KDM1B: variants seen among roughly 807,000 people sequenced by gnomAD.
KDM1B encodes lysine-specific histone demethylase 2.
KDM1B carries 63 observed loss-of-function variants against 107.4 expected under a neutral mutation model. The observed-to-expected ratio is 0.59, with a 90% CI of 0.48 to 0.72. The LOEUF is 0.72. Ranked by LOEUF, KDM1B falls within the 30% of genes least tolerant of loss-of-function variation. The pLI is 0.00. For synonymous variants in KDM1B, 363 were observed against 363.9 expected (o/e 1.00, Z 0.03); for missense variants, 749 against 1,020.8 (o/e 0.73, Z 3.63).
At chr6:18,163,922 A>G (rs1785123499) in intron 5 of KDM1B, among the ~76,000 whole-genome samples, 1 of 151,964 alleles carries the variant, frequency 6.6e-6, no homozygotes, top group African/African-American at 2.4e-5. Flanking sequence ...ATCAGTGTCA[A>G]CTAGACCAAG....
chr6:18,222,477 CTTAAAA>C lies in KDM1B; in HGVS notation c.*488_*493del. ...ATATAGGTCCAATATTGAGCTTTTACTTAAAATTTAGATAGAACTTTTTTTTGGATA... is the reference window on the plus strand; with the variant it reads ...ATATAGGTCCAATATTGAGCTTTTACTTTAGATAGAACTTTTTTTTGGATA... On this transcript the variant is annotated 3_prime_UTR_variant, in exon 22 of 22. Coordinates refer to ENST00000650836, the MANE Select transcript of KDM1B (RefSeq NM_001364614.2). 5.0e-6 allele frequency: 1 copy of C among 201,044 alleles called. No individual in the cohort carries two copies. The highest frequency in any genetic ancestry group is 1.0e-5 in the Non-Finnish European group (1 of 96,796). The allele number at this position is 201,044 out of a possible 1,614,324, so 12.5% of individuals were successfully genotyped here. A position where few individuals can be genotyped will look rare whatever the true frequency, so the allele number is the denominator to read the frequency against.
Position 18,222,221 on chromosome 6 carries a change from CTGA to C in KDM1B, c.*230_*232del. The C allele has an allele frequency of 1.6e-6, 1 of 636,816 alleles. No homozygotes were observed. The highest frequency in any genetic ancestry group is 2.1e-5 in the Admixed American group (1 of 47,654). 39.4% of individuals were successfully genotyped at this position (636,816 alleles called of 1,614,324 possible). ...GCATTTTCCATAGGTTCAACTACTG[CTGA>C]AAGTCTGGATTTCAGAATAAAGCAG... On this transcript the variant is annotated 3_prime_UTR_variant, in exon 22 of 22. Coordinates refer to ENST00000650836, the MANE Select transcript of KDM1B (RefSeq NM_001364614.2).
At position 18,191,692 on chromosome 6, in the gene KDM1B, A is replaced by C. The variant is rs1038214781; in HGVS notation, c.969+311A>C. ...AAAACCACCACTTTAGACCACACAT[A>C]GTCAGAATGCTGACTCTCCAGTGGT... On this transcript the variant is annotated intron_variant, in intron 10 of 21. Transcript: ENST00000650836. This position sits in a 1 kb window ranked among gnomAD's most constrained non-coding sequence, Gnocchi z 5.1. Among the ~76,000 whole-genome samples the C allele has an allele frequency of 1.3e-5, 2 of 152,200 alleles. No homozygotes were observed. The highest frequency in any genetic ancestry group is 2.9e-5 in the Non-Finnish European group (2 of 68,028).
At chr6:18,220,535 G>C (rs1789613068) in intron 21 of KDM1B, among the ~76,000 whole-genome samples, 1 of 152,136 alleles carries the variant, frequency 6.6e-6, no homozygotes, top group Admixed American at 6.5e-5. Context: ...GACAGAGTGA[G>C]ACTCTTTTTC....
chr6:18,215,556 C>G (rs1789156503), intron 20 of KDM1B, among the ~76,000 whole-genome samples: 1 of 152,134 alleles, frequency 6.6e-6, no homozygotes, highest in African/African-American at 2.4e-5. Context: ...CCGGCGACCT[C>G]ACTTTAAAGT....
intron 7 of KDM1B, among the ~76,000 whole-genome samples, chr6:18,183,043 T>C (rs1348766907): frequency 3.3e-5 from 5 of 152,186 alleles, no homozygotes; most frequent in African/African-American, 1.2e-4. Context: ...GTAGATGCTA[T>C]TGTTTTAATG....
At chr6:18,179,722 T>G (rs1353379753) in intron 7 of KDM1B, among the ~76,000 whole-genome samples, 1 of 152,056 alleles carries the variant, frequency 6.6e-6, no homozygotes, top group African/African-American at 2.4e-5. Context: ...TCGGTATCCT[T>G]TCTTTTATTC....
rs1788163217 is a variant in KDM1B, at chr6:18,203,291, T to C, written c.1531+1634T>C. 1.3e-5 allele frequency among the ~76,000 whole-genome samples: 2 copies of C among 152,080 alleles called. No homozygotes were observed. On this transcript the variant is annotated intron_variant, in intron 14 of 21. Coordinates refer to ENST00000650836, the MANE Select transcript of KDM1B (RefSeq NM_001364614.2). The surrounding 1 kb of genome is among the most constrained non-coding windows in gnomAD (Gnocchi z 5.5). ...GACACTGTCTCACAAACAAAACAAA[T>C]AAAAAACCCAAGTTGTTAAGGTAGG...
Position 18,218,055 on chromosome 6 carries a change from T to C in KDM1B, c.2385+170T>C, listed in dbSNP as rs146306955. Among the ~76,000 whole-genome samples, 36 of 152,338 alleles carry C rather than the reference T, an allele frequency of 2.4e-4. 1 individual carries two copies. The East Asian group carries it at 5.0e-3, about 21-fold the overall frequency. The stretch of plus-strand genomic sequence containing the variant: ...TCTTGCTCCCAGAGGCAGCCGTTTT[T>C]AACCTTCCAGCTATTCCTTCTGGAC... On this transcript the variant is annotated intron_variant, in intron 21 of 21. Transcript: ENST00000650836.
rs1031760860 is a variant in KDM1B, at chr6:18,209,671, T to C, written c.1866+1465T>C. ...CCCAGGCTGGAGTGCAGTGGCACAGTCATAGCTCACTGTAGCCTCGAGCAA... is the reference window on the plus strand; with the variant it reads ...CCCAGGCTGGAGTGCAGTGGCACAGCCATAGCTCACTGTAGCCTCGAGCAA... On this transcript the variant is annotated intron_variant, in intron 17 of 21. Coordinates refer to ENST00000650836, the MANE Select transcript of KDM1B (RefSeq NM_001364614.2). This position sits in a 1 kb window ranked among gnomAD's most constrained non-coding sequence, Gnocchi z 4.3. Among the ~76,000 whole-genome samples the C allele has an allele frequency of 1.3e-5, 2 of 152,020 alleles. No homozygotes were observed. The highest frequency in any genetic ancestry group is 6.6e-5 in the Admixed American group (1 of 15,260).
chr6:18,221,107 T>C (rs1160511361), intron 21 of KDM1B, among the ~76,000 whole-genome samples: 2 of 152,086 alleles, frequency 1.3e-5, no homozygotes, highest in East Asian at 1.9e-4. Context: ...CTAGTCACTA[T>C]ATTCCTGCTG....
chr6:18,174,856 AC>A (rs1312028651), intron 7 of KDM1B, among the ~76,000 whole-genome samples: 1 of 152,190 alleles, frequency 6.6e-6, no homozygotes, highest in Non-Finnish European at 1.5e-5. Context: ...ATGTACACAT[AC>A]GCACACACTG....
rs199551471 is a variant in KDM1B at position 18,223,026 on chromosome 6, CTTTTT to C, written c.*1038_*1042del. 22 of 152,304 alleles carry C rather than the reference CTTTTT, an allele frequency of 1.4e-4. No homozygotes were observed. Among genetic ancestry groups the C allele is most frequent in the Non-Finnish European group, 3.1e-4 (21 of 67,970 alleles). 9.4% of individuals were successfully genotyped at this position (152,304 alleles called of 1,614,324 possible). On this transcript the variant is annotated 3_prime_UTR_variant, in exon 22 of 22. Coordinates refer to ENST00000650836, the MANE Select transcript of KDM1B (RefSeq NM_001364614.2). ...GAACATGGCAAGTATTTACTTTTAT[CTTTTT>C]TTTAAAAACACTCATGACAGAAAAC... is the stretch of plus-strand genomic sequence containing the variant.
intron 7 of KDM1B, among the ~76,000 whole-genome samples, chr6:18,174,757 C>T (rs890894087): frequency 6.6e-6 from 1 of 152,166 alleles, no homozygotes. Flanking sequence ...TAATAGTCTC[C>T]TATCTCATCC....
chr6:18,219,721 C>G (rs1342594607), intron 21 of KDM1B, among the ~76,000 whole-genome samples: 1 of 152,190 alleles, frequency 6.6e-6, no homozygotes, highest in African/African-American at 2.4e-5. Context: ...TAGATTCGAG[C>G]AAGGCATTTT....
intron 7 of KDM1B, among the ~76,000 whole-genome samples, chr6:18,179,878 T>C (rs868279695): frequency 7.0e-5 from 8 of 114,428 alleles, no homozygotes; most frequent in Non-Finnish European, 1.1e-4. Flanking sequence ...TTTTTTTTTT[T>C]CATAAGGCAG....
In KDM1B at chr6:18,212,624, C is replaced by T; in HGVS notation, c.1983+20C>T. 2 of 1,454,720 alleles carry T rather than the reference C, an allele frequency of 1.4e-6. No individual in the cohort carries two copies. Among genetic ancestry groups the T allele is most frequent in the East Asian group, 4.5e-5 (2 of 44,130 alleles). The allele number at this position is 1,454,720 out of a possible 1,614,324, so 90.1% of individuals were successfully genotyped here. ...GAAAAGGTGACTGAAATGACCTCAT[C>T]CTCAGCAAGAAAGAGATTAATGTCA... On this transcript the variant is annotated intron_variant, in intron 18 of 21. Coordinates refer to ENST00000650836, the MANE Select transcript of KDM1B (RefSeq NM_001364614.2). The surrounding 1 kb of genome is among the most constrained non-coding windows in gnomAD (Gnocchi z 5.2).
At chr6:18,208,628 T>TATATATATATATGTATA (rs1491350264) in intron 17 of KDM1B, among the ~76,000 whole-genome samples, 1 of 16,250 alleles carries the variant, frequency 6.2e-5, no homozygotes, top group Non-Finnish European at 1.1e-4. Context: ...TATATATATA[T>TATATATATATATGTATA]TTTTTTTTTT....
At position 18,208,165 on chromosome 6, in the gene KDM1B, C is replaced by T; in HGVS notation, c.1825C>T (p.Gln609Ter). ...TATTGATTATTCTGGAGATGAAGTG[C>T]AGGTTACCACTACAGATGGCACAGG... Reference protein sequence around the residue: ...QCIDYSGDEVQVTTTDGTGYS... With the variant: ...QCIDYSGDEV The change falls in exon 17 of 22, where the codon CAG becomes TAG. Residue 609 changes from glutamine (Q) to a stop codon, truncating the protein, a stop_gained. Coordinates refer to ENST00000650836, the MANE Select transcript of KDM1B (RefSeq NM_001364614.2). LOFTEE classifies it high-confidence loss of function. 2 of 1,613,636 alleles carry T rather than the reference C, an allele frequency of 1.2e-6. No homozygotes were observed. The highest frequency in any genetic ancestry group is 1.3e-5 in the African/African-American group (1 of 74,980).
Sources: gnomAD v4.1 joint callset for allele counts (sites outside exome capture counted in the v4.1 genomes callset) on GRCh38, gnomAD v4.1.1 for gene constraint, Gnocchi (gnomAD v3.1) non-coding constraint, MANE v1.5 for transcripts, NCBI Gene and HGNC (gene_info 2026-07-23, HGNC 2026-07-21) for gene names.